The following PPP3CB variants were observed in gnomAD, a reference collection of about 807,000 sequenced individuals.
PPP3CB encodes protein phosphatase 3 catalytic subunit beta, also known as serine/threonine-protein phosphatase 2B catalytic subunit beta isoform.
A neutral mutation model predicts 66.4 loss-of-function variants in PPP3CB; 8 were observed. The ratio of observed to expected loss-of-function variants is 0.12; its 90% CI spans 0.07 to 0.22. The LOEUF (loss-of-function observed/expected upper bound fraction) is 0.22, where lower values mean the gene tolerates loss of function less well. PPP3CB is among the 10% of genes least tolerant of loss of function. The pLI, the probability that PPP3CB is intolerant of heterozygous loss-of-function variation, is 1.00. For missense variants in PPP3CB, 319 were observed against 642.5 expected (o/e 0.50, Z 5.44); for synonymous variants, 208 against 221.2 (o/e 0.94, Z 0.53).
Position 73,479,537 on chromosome 10 carries a change from A to G in PPP3CB, c.86-20T>C. The G allele has an allele frequency of 6.2e-7, 1 of 1,603,430 alleles. No individual in the cohort carries two copies. Among genetic ancestry groups the G allele is most frequent in the Non-Finnish European group, 8.5e-7 (1 of 1,173,244 alleles). ...GGACAGCTGCAAATGTTTTTAATTAATAAAAGATAAGTCACCAAAAATACA... is the reference window on the plus strand; with the variant it reads ...GGACAGCTGCAAATGTTTTTAATTAGTAAAAGATAAGTCACCAAAAATACA... On this transcript the variant is annotated intron_variant, in intron 1 of 13. Transcript: ENST00000360663.
At chr10:73,444,608 T>G in intron 12 of PPP3CB, 117 bp downstream of exon 12, 1 of 1,555,852 alleles carries the variant, frequency 6.4e-7, no homozygotes, top group Non-Finnish European at 8.7e-7. Flanking sequence ...GGTCAGCTGC[T>G]GAGACAGGAA....
At chr10:73,460,872 CAGA>C (rs533278015) in intron 9 of PPP3CB, among the ~76,000 whole-genome samples, 117 of 152,344 alleles carry the variant, frequency 7.7e-4, no homozygotes, top group African/African-American at 2.5e-3. Context: ...ACTTAGATTT[CAGA>C]AGGTGTATGA....
At chr10:73,467,712 G>C in intron 8 of PPP3CB, 34 bp from the exon 9 acceptor site, 1 of 1,481,458 alleles carries the variant, frequency 6.8e-7, no homozygotes, top group South Asian at 1.3e-5. Context: ...TAACTTAATA[G>C]ATAAGTAACT....
At chr10:73,487,384 C>T (rs560183723) in intron 1 of PPP3CB, among the ~76,000 whole-genome samples, 12 of 151,906 alleles carry the variant, frequency 7.9e-5, no homozygotes, top group South Asian at 2.1e-4. Flanking sequence ...CCCGTCTCTA[C>T]TAAAAATACA....
Position 73,471,555 on chromosome 10 carries a change from C to T in PPP3CB, c.582G>A (p.Leu194=). The change falls in exon 5 of 14, where the codon TTG becomes TTA. Residue 194 remains leucine (L), a synonymous_variant. Coordinates refer to ENST00000360663, the MANE Select transcript of PPP3CB (RefSeq NM_021132.4). ...YEACMEAFDS[L]PLAALLNQQF... ...GTTGGTTTAAAAGTGCAGCAAGAGG[C>T]AAACTATCAAAAGCTTCCATACAAG... 1 of 1,612,266 alleles carries T rather than the reference C, an allele frequency of 6.2e-7. No individual in the cohort carries two copies. Among genetic ancestry groups the T allele is most frequent in the Non-Finnish European group, 8.5e-7 (1 of 1,178,940 alleles).
intron 9 of PPP3CB, among the ~76,000 whole-genome samples, chr10:73,465,618 C>T (rs141500547): frequency 2.6e-5 from 4 of 152,274 alleles, no homozygotes; most frequent in South Asian, 2.1e-4. Context: ...ACACTGCTTT[C>T]GCCTAATTTT....
Position 73,454,343 on chromosome 10 carries a change from A to C in PPP3CB, c.1186+69T>G. The stretch of plus-strand genomic sequence containing the variant: ...GACTATTTTTTGCAAAATAGTGTGT[A>C]CTGAGGCTAGGCAGTAAAGAAATAC... On this transcript the variant is annotated intron_variant, in intron 10 of 13. Coordinates refer to ENST00000360663, the MANE Select transcript of PPP3CB (RefSeq NM_021132.4). The C allele has an allele frequency of 3.2e-6, 4 of 1,234,218 alleles. No individual in the cohort carries two copies. In the South Asian group the frequency reaches 5.4e-5, roughly 17 times the overall value. 76.5% of individuals were successfully genotyped at this position (1,234,218 alleles called of 1,614,324 possible). A position where few individuals can be genotyped will look rare whatever the true frequency, so the allele number is the denominator to read the frequency against.
intron 1 of PPP3CB, among the ~76,000 whole-genome samples, chr10:73,488,004 C>T (rs2133032839): frequency 6.6e-6 from 1 of 152,052 alleles, no homozygotes; most frequent in South Asian, 2.1e-4. Context: ...TGGTCTCGAA[C>T]ATATGACCTC....
At chr10:73,472,030 T>A (rs1396555087) in intron 4 of PPP3CB, among the ~76,000 whole-genome samples, 1 of 152,180 alleles carries the variant, frequency 6.6e-6, no homozygotes, top group Admixed American at 6.6e-5. Context: ...TCTTCCCCTA[T>A]AAGAATCAAC....
intron 10 of PPP3CB, 132 bp downstream of exon 10, chr10:73,454,280 C>T: frequency 2.2e-6 from 1 of 450,066 alleles, no homozygotes; most frequent in East Asian, 3.5e-5. Flanking sequence ...AAAAAAGTAA[C>T]TTGTTACTTA....
At chr10:73,451,716 G>C in intron 10 of PPP3CB, among the ~76,000 whole-genome samples, 1 of 150,528 alleles carries the variant, frequency 6.6e-6, no homozygotes, top group African/African-American at 2.4e-5. Flanking sequence ...ACCAGCCTTG[G>C]TAACATAGGG....
At chr10:73,450,453 C>G (rs1401680058) in intron 10 of PPP3CB, among the ~76,000 whole-genome samples, 4 of 152,190 alleles carry the variant, frequency 2.6e-5, no homozygotes, top group African/African-American at 9.7e-5. Flanking sequence ...CTATCCGAAT[C>G]TCCTCCTCTG....
chr10:73,452,074 T>G (rs536209428), intron 10 of PPP3CB, among the ~76,000 whole-genome samples: 2 of 150,622 alleles, frequency 1.3e-5, no homozygotes, highest in Admixed American at 1.3e-4. Flanking sequence ...AAAAAAAAAT[T>G]TAAAAAACCT....
intron 10 of PPP3CB, 72 bp from the exon 11 acceptor site, chr10:73,446,645 C>T: frequency 1.5e-6 from 2 of 1,378,520 alleles, no homozygotes; most frequent in Non-Finnish European, 2.1e-6. Context: ...TTCTATTAGC[C>T]TGTTCCACAC....
intron 9 of PPP3CB, among the ~76,000 whole-genome samples, chr10:73,463,429 C>T (rs1463398462): frequency 1.3e-5 from 2 of 152,184 alleles, no homozygotes; most frequent in Non-Finnish European, 2.9e-5. Context: ...ATGATCTAGC[C>T]CTAACCTAAC....
Position 73,454,478 on chromosome 10 carries a change from A to G in PPP3CB, c.1120T>C (p.Leu374=), listed in dbSNP as rs3729974. 103 of 1,612,318 alleles carry G rather than the reference A, an allele frequency of 6.4e-5. No homozygotes were observed. Among genetic ancestry groups the G allele is most frequent in the Admixed American group, 3.2e-4 (19 of 59,966 alleles). Residue 374 remains leucine (L), a synonymous_variant, in exon 10 of 14, where the codon TTG becomes CTG. Transcript: ENST00000360663. Reference sequence around the variant, plus strand: ...GAGCAAATACTCAGAACATTTACCAACATTTCTGTCACTATTTGGGAAAAA... The same window carrying G: ...GAGCAAATACTCAGAACATTTACCAGCATTTCTGTCACTATTTGGGAAAAA... ...PFVGEKVTEM[L]VNVLSICSDD... is the part of the protein sequence containing the mutation.
intron 1 of PPP3CB, 36 bp from the exon 2 acceptor site, chr10:73,479,553 C>T: frequency 6.4e-7 from 1 of 1,567,818 alleles, no homozygotes; most frequent in Non-Finnish European, 8.7e-7. Flanking sequence ...GATAAGTCAC[C>T]AAAAATACAT....
chr10:73,457,426 A>G (rs2056447118), intron 9 of PPP3CB, among the ~76,000 whole-genome samples: 1 of 151,990 alleles, frequency 6.6e-6, no homozygotes, highest in Non-Finnish European at 1.5e-5. Context: ...ATGGAGTGAA[A>G]GCCTAAAGGA....
intron 10 of PPP3CB, among the ~76,000 whole-genome samples, chr10:73,454,057 T>G (rs746700337): frequency 6.6e-6 from 1 of 152,192 alleles, no homozygotes; most frequent in Non-Finnish European, 1.5e-5. Flanking sequence ...TCTGATGCAC[T>G]AAGAATATTG....
Sources: allele counts gnomAD v4.1 joint callset (sites outside exome capture counted in the v4.1 genomes callset), GRCh38; gene constraint gnomAD v4.1.1; transcripts MANE v1.5; gene names NCBI Gene and HGNC (gene_info 2026-07-23, HGNC 2026-07-21).